Variants in CAMTA1 observed in about 807,000 individuals in gnomAD.
CAMTA1 encodes the protein calmodulin binding transcription activator 1.
In CAMTA1, 27 loss-of-function variants were observed where a neutral mutation model predicts 170.9. That is an observed-to-expected ratio of 0.16 (90% CI 0.12 to 0.22). The LOEUF is 0.22. Ranked by LOEUF, CAMTA1 falls within the 10% of genes least tolerant of loss-of-function variation. The pLI, the probability that CAMTA1 is intolerant of heterozygous loss-of-function variation, is 1.00. For synonymous variants in CAMTA1, 833 were observed against 891.5 expected (o/e 0.93, Z 1.17); for missense variants, 1,619 against 2,217.2 (o/e 0.73, Z 5.42).
intron 18 of CAMTA1, among the ~76,000 whole-genome samples, chr1:7,747,367 A>G (rs2096864526): frequency 1.3e-5 from 2 of 152,238 alleles, no homozygotes; most frequent in Admixed American, 1.3e-4. Flanking sequence ...GTTAAAAGCC[A>G]TTAATCATTG....
chr1:7,437,611 A>G (rs1420788242), intron 5 of CAMTA1, among the ~76,000 whole-genome samples: 3 of 152,180 alleles, frequency 2.0e-5, no homozygotes, highest in Non-Finnish European at 4.4e-5. Context: ...ACTTCAACGT[A>G]TGAATTTTGG....
At position 7,249,207 on chromosome 1, in the gene CAMTA1, C is replaced by T. The variant is rs965772453; in HGVS notation, c.303-284C>T. ...CTACTTTTCAGTGCAGAGCTCAGGC[C>T]CCCACATCGTATATCCTGATTACTT... On this transcript the variant is annotated intron_variant, in intron 4 of 22. Coordinates refer to ENST00000303635, the MANE Select transcript of CAMTA1 (RefSeq NM_015215.4). This position sits in a 1 kb window ranked among gnomAD's most constrained non-coding sequence, Gnocchi z 4.4. 2.0e-5 allele frequency among the ~76,000 whole-genome samples: 3 copies of T among 152,174 alleles called. No individual in the cohort carries two copies. Among genetic ancestry groups the T allele is most frequent in the Middle Eastern group, 3.4e-3 (1 of 294 alleles).
At chr1:7,307,669 G>C (rs1011592718) in intron 5 of CAMTA1, among the ~76,000 whole-genome samples, 1 of 151,940 alleles carries the variant, frequency 6.6e-6, no homozygotes, top group Admixed American at 6.6e-5. Context: ...TTGATTTCTG[G>C]ATATTGAAGC....
rs528925444 is a variant in CAMTA1, at chr1:7,543,541, C to G, written c.510+75640C>G. Among the ~76,000 whole-genome samples, 23 of 152,314 alleles carry G rather than the reference C, an allele frequency of 1.5e-4. No individual in the cohort carries two copies. In the South Asian group the frequency reaches 4.8e-3, roughly 32 times the overall value. On this transcript the variant is annotated intron_variant, in intron 6 of 22. Coordinates refer to ENST00000303635, the MANE Select transcript of CAMTA1 (RefSeq NM_015215.4). ...TGTTTAGTAGTGGTATTTCCATTTA[C>G]AAAATATAGCAGTTCCCGAACGCTG...
intron 4 of CAMTA1, among the ~76,000 whole-genome samples, chr1:7,177,722 A>T (rs1248366312): frequency 6.8e-6 from 1 of 147,340 alleles, no homozygotes. Context: ...CCACACATTG[A>T]TTACCCTCCC....
rs1262977971 is a variant in CAMTA1, at chr1:7,681,455, T to C, written c.2914+3722T>C. ...CCTTTAACCCAGGGTCTTCGGGAAC[T>C]GCCGTTTTCACCATTTCTCCTCCAC... On this transcript the variant is annotated intron_variant, in intron 11 of 22. Transcript: ENST00000303635. The surrounding 1 kb of genome is among the most constrained non-coding windows in gnomAD (Gnocchi z 4.6). Among the ~76,000 whole-genome samples the C allele has an allele frequency of 6.6e-6, 1 of 152,172 alleles. No individual in the cohort carries two copies. The highest frequency in any genetic ancestry group is 1.5e-5 in the Non-Finnish European group (1 of 68,014).
chr1:6,990,047 C>A (rs1696098418), intron 3 of CAMTA1, among the ~76,000 whole-genome samples: 3 of 152,178 alleles, frequency 2.0e-5, no homozygotes, highest in African/African-American at 7.2e-5. Context: ...CTTCTGCTAA[C>A]ATCTCACTGG....
intron 3 of CAMTA1, among the ~76,000 whole-genome samples, chr1:6,960,812 T>G (rs1439877528): frequency 6.6e-6 from 1 of 152,214 alleles, no homozygotes; most frequent in Non-Finnish European, 1.5e-5. Context: ...TAATTTGATT[T>G]CAGTGACCAA....
intron 5 of CAMTA1, among the ~76,000 whole-genome samples, chr1:7,412,265 TATATACC>T (rs2090833120): frequency 6.6e-6 from 1 of 152,088 alleles, no homozygotes; most frequent in Non-Finnish European, 1.5e-5. Flanking sequence ...GTCCTTTGGG[TATATACC>T]CAGTAATGGG....
At position 7,580,229 on chromosome 1, in the gene CAMTA1, C is replaced by G. The variant is rs1240277759; in HGVS notation, c.511-60171C>G. Among the ~76,000 whole-genome samples, 2 of 152,216 alleles carry G rather than the reference C, an allele frequency of 1.3e-5. No individual in the cohort carries two copies. Among genetic ancestry groups the G allele is most frequent in the African/African-American group, 4.8e-5 (2 of 41,472 alleles). On this transcript the variant is annotated intron_variant, in intron 6 of 22. Transcript: ENST00000303635. This position sits in a 1 kb window ranked among gnomAD's most constrained non-coding sequence, Gnocchi z 4.3. ...GTTCAGACCAGAAGAGGAAGGAGGG[C>G]TCCCTCCCCCTGGGGCTGTGGAGGC...
chr1:7,465,636 A>G (rs1489829241), intron 5 of CAMTA1, among the ~76,000 whole-genome samples: 2 of 152,060 alleles, frequency 1.3e-5, no homozygotes, highest in Admixed American at 6.5e-5. Flanking sequence ...TCTTAACTTC[A>G]TTTTGTTTAT....
chr1:6,996,134 G>A (rs762278060), intron 3 of CAMTA1, among the ~76,000 whole-genome samples: 50 of 152,330 alleles, frequency 3.3e-4, no homozygotes, highest in Non-Finnish European at 5.4e-4. Context: ...GCCCCAAGAC[G>A]TCAAAACATC....
rs1434924870 is a variant in CAMTA1 at position 7,661,761 on chromosome 1, A to G, written c.700A>G (p.Ser234Gly). 15 of 1,613,578 alleles carry G rather than the reference A, an allele frequency of 9.3e-6. No homozygotes were observed. Among genetic ancestry groups the G allele is most frequent in the African/African-American group, 1.3e-5 (1 of 74,792 alleles). Residue 234 changes from serine to glycine, a missense_variant, in exon 8 of 23, where the codon AGC becomes GGC. By Grantham distance (56) the Ser-to-Gly change is moderately conservative (BLOSUM62 0). Transcript: ENST00000303635. ...GIKWTCSNGN[S>G]SSGFSVEQLV... ...CAAGTGGACCTGCAGCAATGGGAAC[A>G]GCAGCTCAGGCTTCTCGGTGGAACA...
At chr1:6,790,418 G>A (rs904569877) in intron 1 of CAMTA1, among the ~76,000 whole-genome samples, 24 of 148,454 alleles carry the variant, frequency 1.6e-4, no homozygotes, top group African/African-American at 6.0e-4. Flanking sequence ...GTAGACAAAA[G>A]TAAAGTCAGC....
intron 5 of CAMTA1, among the ~76,000 whole-genome samples, chr1:7,387,566 C>T (rs2088151995): frequency 6.6e-6 from 1 of 152,178 alleles, no homozygotes; most frequent in Admixed American, 6.5e-5. Flanking sequence ...TGAGGCTCAC[C>T]CAGCCCAGGT....
intron 5 of CAMTA1, among the ~76,000 whole-genome samples, chr1:7,341,805 A>G (rs1014551911): frequency 3.3e-5 from 5 of 152,206 alleles, no homozygotes; most frequent in African/African-American, 1.2e-4. Flanking sequence ...CTTAGTCTCC[A>G]TAGGATAAAT....
At chr1:7,559,888 A>T (rs926910533) in intron 6 of CAMTA1, among the ~76,000 whole-genome samples, 7 of 152,210 alleles carry the variant, frequency 4.6e-5, no homozygotes, top group Non-Finnish European at 1.0e-4. Flanking sequence ...TTCTAGAAGG[A>T]AACACAAGTC....
chr1:6,787,814 G>C (rs1462773307), intron 1 of CAMTA1, among the ~76,000 whole-genome samples: 1 of 152,220 alleles, frequency 6.6e-6, no homozygotes, highest in African/African-American at 2.4e-5. Flanking sequence ...GAATTTAGGG[G>C]TGGTATTCGT....
chr1:7,563,714 G>A (rs1348971137), intron 6 of CAMTA1, among the ~76,000 whole-genome samples: 1 of 152,248 alleles, frequency 6.6e-6, no homozygotes, highest in East Asian at 1.9e-4. Flanking sequence ...ATCTTTTTAT[G>A]CCCATTGGGG....
Sources: gnomAD v4.1 joint callset for allele counts (sites outside exome capture counted in the v4.1 genomes callset) on GRCh38, gnomAD v4.1.1 for gene constraint, Gnocchi (gnomAD v3.1) non-coding constraint, MANE v1.5 for transcripts, NCBI Gene and HGNC (gene_info 2026-07-23, HGNC 2026-07-21) for gene names.